SLC25A24: variants seen among roughly 807,000 people sequenced by gnomAD.
SLC25A24 encodes the protein solute carrier family 25 member 24, also known as mitochondrial adenyl nucleotide antiporter SLC25A24.
A neutral mutation model predicts 60.7 loss-of-function variants in SLC25A24; 49 were observed. The observed-to-expected ratio is 0.81, with a 90% CI of 0.64 to 1.02. SLC25A24 has a LOEUF of 1.02. Ranked by LOEUF, SLC25A24 falls within the 50% of genes least tolerant of loss-of-function variation. The probability of loss-of-function intolerance (pLI) is 0.00; values close to 1 mark genes in which losing one functional copy is unlikely to be tolerated. For synonymous variants in SLC25A24, 202 were observed against 200.6 expected (o/e 1.01, Z -0.06); for missense variants, 564 against 586.3 (o/e 0.96, Z 0.39).
chr1:108,168,726 T>C (rs956816133), intron 3 of SLC25A24, among the ~76,000 whole-genome samples: 3 of 152,222 alleles, frequency 2.0e-5, no homozygotes, highest in Non-Finnish European at 4.4e-5. Context: ...CATAGTTCTT[T>C]ATATCATTCA....
At chr1:108,145,718 G>A (rs577345725) in intron 7 of SLC25A24, among the ~76,000 whole-genome samples, 4 of 152,166 alleles carry the variant, frequency 2.6e-5, no homozygotes, top group Non-Finnish European at 5.9e-5. Context: ...GGTTGTAGAC[G>A]TGTGGTGTTA....
chr1:108,166,683 T>G (rs1464097664), intron 3 of SLC25A24, among the ~76,000 whole-genome samples: 3 of 152,062 alleles, frequency 2.0e-5, no homozygotes, highest in Non-Finnish European at 4.4e-5. Flanking sequence ...GTTATTCTAG[T>G]TATACATTCT....
chr1:108,163,745 A>C (rs1457881435), intron 3 of SLC25A24, among the ~76,000 whole-genome samples: 1 of 151,692 alleles, frequency 6.6e-6, no homozygotes, highest in Admixed American at 6.6e-5. Context: ...AAACAGGGAC[A>C]ATTTGACTTC....
intron 9 of SLC25A24, among the ~76,000 whole-genome samples, chr1:108,137,632 G>A (rs1033030539): frequency 6.6e-6 from 1 of 152,244 alleles, no homozygotes; most frequent in Non-Finnish European, 1.5e-5. Flanking sequence ...AGAAATGACA[G>A]TCTATCAGCC....
chr1:108,148,741 T>C (rs563877419), intron 6 of SLC25A24, among the ~76,000 whole-genome samples: 29 of 152,284 alleles, frequency 1.9e-4, no homozygotes, highest in Middle Eastern at 6.8e-3. Context: ...CTGTTAGAAA[T>C]AAATTTCCGT....
intron 8 of SLC25A24, among the ~76,000 whole-genome samples, chr1:108,139,719 C>G (rs547506367): frequency 2.2e-4 from 34 of 152,238 alleles, no homozygotes; most frequent in African/African-American, 8.2e-4. Flanking sequence ...TCAAACGATT[C>G]TTCTGCCTCA....
chr1:108,139,124 A>C lies in SLC25A24; in HGVS notation c.1183T>G (p.Ser395Ala), dbSNP rs924721546. The C allele has an allele frequency of 6.2e-7, 1 of 1,611,322 alleles. No homozygotes were observed. ...CTGGCCAGCTGACCACAGGTGCTGG[A>C]TAAGGCACCGCATCCCAGCAACACC... The part of the protein sequence containing the change: ...VMVLLGCGAL[S>A]STCGQLASYP... The change falls in exon 9 of 10, where the codon TCC becomes GCC. Residue 395 changes from serine (S) to alanine (A), a missense_variant. Physicochemically the swap from Ser to Ala is moderately conservative, Grantham distance 99. Transcript: ENST00000565488.
intron 3 of SLC25A24, among the ~76,000 whole-genome samples, chr1:108,174,933 T>C (rs889986912): frequency 6.6e-6 from 1 of 152,262 alleles, no homozygotes; most frequent in African/African-American, 2.4e-5. Flanking sequence ...CCTCATTGTA[T>C]CTAGGAAGTA....
chr1:108,148,351 T>C lies in SLC25A24; in HGVS notation c.858A>G (p.Ile286Met). The C allele has an allele frequency of 6.2e-7, 1 of 1,612,868 alleles. No homozygotes were observed. Among genetic ancestry groups the C allele is most frequent in the Non-Finnish European group, 8.5e-7 (1 of 1,178,934 alleles). Residue 286 changes from isoleucine (I) to methionine (M), a missense_variant, in exon 7 of 10, where the codon ATA (isoleucine) becomes ATG (methionine). Ile to Met is a conservative substitution (Grantham distance 10). Transcript: ENST00000565488. Reference protein sequence around the residue: ...KKLLTEEGQKIGTFERFISGS... With the variant: ...KKLLTEEGQKMGTFERFISGS... ...CAGAAATAAATCTCTCAAATGTTCC[T>C]ATTTTTTGTCCTTCTTCAGTAAGTA...
chr1:108,154,911 A>T, intron 6 of SLC25A24, 72 bp downstream of exon 6: 1 of 1,167,924 alleles, frequency 8.6e-7, no homozygotes, highest in Non-Finnish European at 1.2e-6. Context: ...CAAAAGCATT[A>T]TACATTAACA....
intron 8 of SLC25A24, among the ~76,000 whole-genome samples, chr1:108,142,444 G>T (rs942359941): frequency 6.6e-6 from 1 of 152,192 alleles, no homozygotes; most frequent in Non-Finnish European, 1.5e-5. Context: ...GCCATGAAAA[G>T]AAATGAAGTT....
chr1:108,160,196 C>T (rs900379116), intron 4 of SLC25A24, among the ~76,000 whole-genome samples: 1 of 151,654 alleles, frequency 6.6e-6, no homozygotes, highest in African/African-American at 2.4e-5. Context: ...CCTCACTTCT[C>T]AGACGGGGCG....
At chr1:108,193,606 G>A (rs1648412793) in intron 1 of SLC25A24, among the ~76,000 whole-genome samples, 1 of 139,536 alleles carries the variant, frequency 7.2e-6, no homozygotes, top group South Asian at 2.7e-4. Context: ...ACATTGTGTT[G>A]TAGGAATCCT....
Position 108,167,206 on chromosome 1 carries a change from G to A in SLC25A24, c.399-5913C>T, listed in dbSNP as rs1291211558. On this transcript the variant is annotated intron_variant, in intron 3 of 9. Coordinates refer to ENST00000565488, the MANE Select transcript of SLC25A24 (RefSeq NM_013386.5). ...CTGCTCTCTTCAAAGCTGTCAGACA[G>A]GGACATTTAAGTCTGCAGAGGTTAC... 2.0e-5 allele frequency among the ~76,000 whole-genome samples: 3 copies of A among 151,140 alleles called. No individual in the cohort carries two copies. In the South Asian group the frequency reaches 6.3e-4, roughly 32 times the overall value.
At chr1:108,155,223 C>A (rs7555964) in intron 5 of SLC25A24, 88 bp from the exon 6 acceptor site, 4 of 1,104,830 alleles carry the variant, frequency 3.6e-6, no homozygotes, top group Non-Finnish European at 5.1e-6. Flanking sequence ...TTTCAATACC[C>A]TTTCTAACTG....
intron 3 of SLC25A24, among the ~76,000 whole-genome samples, chr1:108,179,614 T>C (rs1428997854): frequency 1.3e-5 from 2 of 152,128 alleles, no homozygotes; most frequent in Admixed American, 1.3e-4. Flanking sequence ...TCTGTAACAA[T>C]ATGAATGAAA....
At chr1:108,146,290 G>A (rs1489993005) in intron 7 of SLC25A24, among the ~76,000 whole-genome samples, 2 of 152,174 alleles carry the variant, frequency 1.3e-5, no homozygotes, top group Non-Finnish European at 2.9e-5. Flanking sequence ...GCTTTAAGTT[G>A]CTTATCAGCT....
At chr1:108,161,388 A>C (rs1680079426) in intron 3 of SLC25A24, 95 bp from the exon 4 acceptor site, 2 of 711,280 alleles carry the variant, frequency 2.8e-6, no homozygotes, top group African/African-American at 3.7e-5. Context: ...TTCTTTTCTA[A>C]CATAATATTC....
rs193286104 is a variant in SLC25A24, at chr1:108,198,091, G to T, written c.183+1865C>A. Among the ~76,000 whole-genome samples, 1,147 of 152,248 alleles carry T rather than the reference G, an allele frequency of 7.5e-3. 10 individuals are homozygous for T. Among genetic ancestry groups the T allele is most frequent in the Middle Eastern group, 0.014 (4 of 294 alleles). ...TGACTTTCCACCATGTTGTGACACA[G>T]CAGGAAAGCCCTCCCCAGGAGTCCA... On this transcript the variant is annotated intron_variant, in intron 1 of 9. Transcript: ENST00000565488.
Sources: allele counts gnomAD v4.1 joint callset (sites outside exome capture counted in the v4.1 genomes callset), GRCh38; gene constraint gnomAD v4.1.1; transcripts MANE v1.5; gene names NCBI Gene and HGNC (gene_info 2026-07-23, HGNC 2026-07-21).